SNTG1: variants seen among roughly 807,000 people sequenced by gnomAD.
SNTG1 encodes syntrophin gamma 1.
SNTG1 carries 39 observed loss-of-function variants against 74.7 expected under a neutral mutation model. That is an observed-to-expected ratio of 0.52 (90% CI 0.40 to 0.68). The LOEUF is 0.68. SNTG1 is among the 30% of genes least tolerant of loss of function. SNTG1 has a pLI of 0.00. For synonymous variants in SNTG1, 254 were observed against 217.1 expected (o/e 1.17, Z -1.49); for missense variants, 685 against 609.5 (o/e 1.12, Z -1.30).
At chr8:50,417,027 C>T (rs1412323172) in intron 4 of SNTG1, among the ~76,000 whole-genome samples, 1 of 151,988 alleles carries the variant, frequency 6.6e-6, no homozygotes, top group African/African-American at 2.4e-5. Context: ...TTTACTTGTA[C>T]TTGAAAAAGT....
chr8:50,084,200 G>C (rs540212210), intron 1 of SNTG1, among the ~76,000 whole-genome samples: 1 of 152,144 alleles, frequency 6.6e-6, no homozygotes, highest in South Asian at 2.1e-4. Context: ...AGTGGCTCAC[G>C]CCTGTAATCC....
At chr8:50,480,377 C>G (rs2093730330) in intron 8 of SNTG1, among the ~76,000 whole-genome samples, 1 of 152,098 alleles carries the variant, frequency 6.6e-6, no homozygotes, top group African/African-American at 2.4e-5. Flanking sequence ...CATTCGATGA[C>G]TTGAGATATC....
chr8:50,045,988 A>C (rs1819052853), intron 1 of SNTG1, among the ~76,000 whole-genome samples: 2 of 152,210 alleles, frequency 1.3e-5, no homozygotes, highest in Admixed American at 1.3e-4. Flanking sequence ...CAGGCTTTGA[A>C]GAGCCACAGG....
At chr8:50,261,199 T>C (rs1172865982) in intron 2 of SNTG1, among the ~76,000 whole-genome samples, 3 of 152,190 alleles carry the variant, frequency 2.0e-5, no homozygotes, top group South Asian at 2.1e-4. Flanking sequence ...AGGATAATAA[T>C]TGTATCACTC....
At chr8:49,965,725 C>T (rs1308328142) in intron 1 of SNTG1, among the ~76,000 whole-genome samples, 2 of 152,100 alleles carry the variant, frequency 1.3e-5, no homozygotes, top group African/African-American at 2.4e-5. Context: ...ACAAATAGGG[C>T]CCACTCTGGC....
chr8:50,624,658 C>T (rs2094945228), intron 13 of SNTG1, among the ~76,000 whole-genome samples: 1 of 152,140 alleles, frequency 6.6e-6, no homozygotes, highest in Admixed American at 6.6e-5. Flanking sequence ...TTGAAAAAGT[C>T]ATACACGTTT....
intron 5 of SNTG1, among the ~76,000 whole-genome samples, chr8:50,442,862 G>A (rs2131588685): frequency 6.6e-6 from 1 of 152,258 alleles, no homozygotes; most frequent in Non-Finnish European, 1.5e-5. Context: ...GAAGCGGGCA[G>A]ATTCAGCAGG....
chr8:50,753,385 A>G (rs1237799044), intron 18 of SNTG1, among the ~76,000 whole-genome samples: 3 of 151,952 alleles, frequency 2.0e-5, no homozygotes, highest in Non-Finnish European at 4.4e-5. Context: ...ACAAATTTTA[A>G]TACTGGTGAA....
In SNTG1 at chr8:50,502,823, T is replaced by C; in HGVS notation, c.409T>C (p.Ser137Pro). 1.2e-6 allele frequency: 2 copies of C among 1,613,572 alleles called. No homozygotes were observed. Among genetic ancestry groups the C allele is most frequent in the Non-Finnish European group, 1.7e-6 (2 of 1,179,692 alleles). ...NAGEEVTLTV[S>P]FLKRAPAFLK... ...TGGAGAAGAAGTGACTCTAACAGTG[T>C]CATTTTTAAAAAGAGCACCTGCTTT... is the stretch of plus-strand genomic sequence containing the variant. The change falls in exon 9 of 19, where the codon TCA becomes CCA. Residue 137 changes from serine (S) to proline (P), a missense_variant. Transcript: ENST00000642720.
At chr8:49,947,410 T>C (rs1396859989) in intron 1 of SNTG1, among the ~76,000 whole-genome samples, 1 of 152,238 alleles carries the variant, frequency 6.6e-6, no homozygotes, top group Non-Finnish European at 1.5e-5. Context: ...TAAAGAGCTG[T>C]CCTGGTGAAT....
At chr8:50,531,702 C>T (rs1170120180) in intron 10 of SNTG1, among the ~76,000 whole-genome samples, 1 of 152,138 alleles carries the variant, frequency 6.6e-6, no homozygotes, top group Admixed American at 6.6e-5. Flanking sequence ...TTCCATCAGT[C>T]CTCAGAGGTT....
chr8:50,254,749 G>A (rs1419075056), intron 2 of SNTG1, among the ~76,000 whole-genome samples: 1 of 151,922 alleles, frequency 6.6e-6, no homozygotes, highest in Admixed American at 6.6e-5. Flanking sequence ...AGGAGGCTGA[G>A]GCAGGAGAAT....
intron 2 of SNTG1, among the ~76,000 whole-genome samples, chr8:50,303,633 T>C (rs1295078252): frequency 6.6e-6 from 1 of 152,036 alleles, no homozygotes; most frequent in African/African-American, 2.4e-5. Flanking sequence ...GAATTTACAA[T>C]GCATATGCTT....
intron 18 of SNTG1, among the ~76,000 whole-genome samples, chr8:50,758,219 A>G (rs1162410838): frequency 1.3e-5 from 2 of 151,928 alleles, no homozygotes; most frequent in Non-Finnish European, 2.9e-5. Flanking sequence ...TTGTTCTAAT[A>G]AATCCAGTGT....
chr8:50,088,580 C>A (rs1823145333), intron 1 of SNTG1, among the ~76,000 whole-genome samples: 1 of 132,874 alleles, frequency 7.5e-6, no homozygotes, highest in Non-Finnish European at 1.7e-5. Flanking sequence ...AATCAATGCA[C>A]AAAAATCACA....
chr8:49,938,132 A>C (rs977016422), intron 1 of SNTG1, among the ~76,000 whole-genome samples: 3 of 152,108 alleles, frequency 2.0e-5, no homozygotes, highest in Non-Finnish European at 2.9e-5. Context: ...AATTCTAATC[A>C]TTCCATGACC....
At chr8:50,662,902 C>G (rs1048895019) in intron 15 of SNTG1, among the ~76,000 whole-genome samples, 1 of 152,158 alleles carries the variant, frequency 6.6e-6, no homozygotes, top group Admixed American at 6.6e-5. Flanking sequence ...ATATCAGTTA[C>G]TTCGAGTACC....
chr8:50,475,036 A>T (rs914867925), intron 8 of SNTG1, among the ~76,000 whole-genome samples: 1 of 130,898 alleles, frequency 7.6e-6, no homozygotes, highest in Non-Finnish European at 1.6e-5. Flanking sequence ...ATGAGAACAC[A>T]TGGACACAGG....
chr8:50,492,919 A>G (rs903510983), intron 8 of SNTG1, among the ~76,000 whole-genome samples: 10 of 152,200 alleles, frequency 6.6e-5, no homozygotes, highest in African/African-American at 2.4e-4. Flanking sequence ...ATAAGGCATA[A>G]GGAAGGGATC....
Sources: allele counts gnomAD v4.1 joint callset (sites outside exome capture counted in the v4.1 genomes callset), GRCh38; gene constraint gnomAD v4.1.1; transcripts MANE v1.5; gene names NCBI Gene and HGNC (gene_info 2026-07-23, HGNC 2026-07-21).